CERS3: variants seen among roughly 807,000 people sequenced by gnomAD.
CERS3 encodes the protein ceramide synthase 3, also known as LAG1 homolog, ceramide synthase 3.
In CERS3, 33 loss-of-function variants were observed where a neutral mutation model predicts 50.3. That is an observed-to-expected ratio of 0.66 (90% CI 0.50 to 0.88). The LOEUF (loss-of-function observed/expected upper bound fraction) is 0.88, where lower values mean the gene tolerates loss of function less well. Among genes scored for constraint, CERS3 ranks in the 40% least tolerant of loss-of-function variants. The pLI is 0.00. For synonymous variants in CERS3, 176 were observed against 155.2 expected (o/e 1.13, Z -0.99); for missense variants, 470 against 460.3 (o/e 1.02, Z -0.19).
Position 100,473,337 on chromosome 15 carries a change from C to T in CERS3, c.610-285G>A, listed in dbSNP as rs922523937. 2.6e-4 allele frequency among the ~76,000 whole-genome samples: 40 copies of T among 152,282 alleles called. 1 individual carries two copies. The highest frequency in any genetic ancestry group is 9.4e-4 in the African/African-American group (39 of 41,558). Reference sequence around the variant, plus strand: ...AAATGCATACACACACAAGCATATTCCTGTGTACACCTACAGTTATTGTTT... The same window carrying T: ...AAATGCATACACACACAAGCATATTTCTGTGTACACCTACAGTTATTGTTT... On this transcript the variant is annotated intron_variant, in intron 8 of 11. Coordinates refer to ENST00000679737, the MANE Select transcript of CERS3 (RefSeq NM_001378789.1).
intron 11 of CERS3, among the ~76,000 whole-genome samples, chr15:100,416,477 C>T (rs2031913649): frequency 6.6e-6 from 1 of 152,272 alleles, no homozygotes; most frequent in South Asian, 2.1e-4. Context: ...CGTTTTCACA[C>T]TGCTATAACG....
intron 11 of CERS3, among the ~76,000 whole-genome samples, chr15:100,433,165 G>A (rs2033218860): frequency 6.6e-6 from 1 of 151,894 alleles, no homozygotes; most frequent in Admixed American, 6.6e-5. Flanking sequence ...GAACCCAGGA[G>A]GCTGAGGTTG....
intron 11 of CERS3, among the ~76,000 whole-genome samples, chr15:100,412,247 G>T (rs909343179): frequency 6.6e-6 from 1 of 151,992 alleles, no homozygotes; most frequent in African/African-American, 2.4e-5. Flanking sequence ...TTTGTGTATG[G>T]TGTTAGGTAA....
intron 3 of CERS3, among the ~76,000 whole-genome samples, chr15:100,498,052 C>G (rs757259361): frequency 2.0e-5 from 3 of 151,952 alleles, no homozygotes; most frequent in Non-Finnish European, 2.9e-5. Context: ...TGCCAACACA[C>G]CCAGTTAATT....
At chr15:100,492,418 C>A (rs967954940) in intron 3 of CERS3, among the ~76,000 whole-genome samples, 9 of 152,158 alleles carry the variant, frequency 5.9e-5, no homozygotes, top group Non-Finnish European at 8.8e-5. Context: ...ATTGTTATAT[C>A]ATCTGGACAG....
At chr15:100,464,433 CA>C (rs1229395929) in intron 10 of CERS3, among the ~76,000 whole-genome samples, 2 of 152,104 alleles carry the variant, frequency 1.3e-5, no homozygotes, top group Non-Finnish European at 2.9e-5. Context: ...AGCAACAAGC[CA>C]CCCTGCCCCC....
chr15:100,422,941 G>C (rs1225349661), intron 11 of CERS3, among the ~76,000 whole-genome samples: 11 of 133,416 alleles, frequency 8.2e-5, no homozygotes, highest in East Asian at 2.6e-4. Context: ...GTTGTGGGGT[G>C]GGGGGGAGGG....
At chr15:100,539,700 A>G (rs2037154254) in intron 1 of CERS3, among the ~76,000 whole-genome samples, 1 of 152,240 alleles carries the variant, frequency 6.6e-6, no homozygotes, top group South Asian at 2.1e-4. Flanking sequence ...TTATAATTTA[A>G]GATGAGATTT....
chr15:100,531,622 T>C (rs1029819989), upstream of CERS3, among the ~76,000 whole-genome samples: 45 of 152,220 alleles, frequency 3.0e-4, no homozygotes, highest in African/African-American at 1.1e-3. Context: ...TTCTTACTTG[T>C]GCCTCACCAT....
At chr15:100,451,825 C>G (rs2034182916) in intron 11 of CERS3, among the ~76,000 whole-genome samples, 1 of 151,894 alleles carries the variant, frequency 6.6e-6, no homozygotes, top group Admixed American at 6.6e-5. Context: ...GCAGAAACAC[C>G]TATACTTATA....
chr15:100,493,804 A>C (rs1432366352), intron 3 of CERS3, among the ~76,000 whole-genome samples: 1 of 152,076 alleles, frequency 6.6e-6, no homozygotes, highest in Non-Finnish European at 1.5e-5. Context: ...CAGTCATTGT[A>C]GTTTTCAACC....
At chr15:100,466,841 C>CCTCTT (rs2034754108) in intron 10 of CERS3, among the ~76,000 whole-genome samples, 1 of 8,776 alleles carries the variant, frequency 1.1e-4, no homozygotes, top group Non-Finnish European at 3.6e-4. Context: ...CCCTCTCTCC[C>CCTCTT]TCTCTCTTTC....
At position 100,466,772 on chromosome 15, in the gene CERS3, C is replaced by T. The variant is rs1396179726; in HGVS notation, c.845+2606G>A. On this transcript the variant is annotated intron_variant, in intron 10 of 11. Transcript: ENST00000679737. ...TCCTTCCTTCCTTCCTTCCTTCCTT[C>T]CTTCCTTCCTTCCTTCCTTCCTCCC... 1.3e-3 allele frequency among the ~76,000 whole-genome samples: 36 copies of T among 27,660 alleles called. 3 individuals are homozygous for T. Among genetic ancestry groups the T allele is most frequent in the African/African-American group, 2.9e-3 (35 of 12,168 alleles). 18.1% of individuals were successfully genotyped at this position (27,660 alleles called of 152,430 possible).
upstream of CERS3, among the ~76,000 whole-genome samples, chr15:100,531,844 T>C (rs2036946012): frequency 6.6e-6 from 1 of 152,228 alleles, no homozygotes; most frequent in Non-Finnish European, 1.5e-5. Context: ...AGCATGTTAA[T>C]GATTCATTGC....
At chr15:100,452,297 A>C (rs1027402070) in intron 11 of CERS3, among the ~76,000 whole-genome samples, 3 of 152,222 alleles carry the variant, frequency 2.0e-5, no homozygotes, top group Admixed American at 6.5e-5. Context: ...ACAATGGATT[A>C]GAACTATAAA....
At chr15:100,460,682 C>G (rs755400425) in intron 10 of CERS3, among the ~76,000 whole-genome samples, 2 of 152,310 alleles carry the variant, frequency 1.3e-5, no homozygotes, top group South Asian at 4.1e-4. Flanking sequence ...TTCCAAAGGC[C>G]GTGGCCAGGA....
At chr15:100,478,502 G>A (rs143876226) in intron 7 of CERS3, among the ~76,000 whole-genome samples, 40 of 152,228 alleles carry the variant, frequency 2.6e-4, no homozygotes, top group African/African-American at 7.9e-4. Flanking sequence ...AATCCCCATA[G>A]GGCTAAAGGT....
At chr15:100,423,472 C>T (rs1057245173) in intron 11 of CERS3, among the ~76,000 whole-genome samples, 2 of 152,158 alleles carry the variant, frequency 1.3e-5, no homozygotes, top group African/African-American at 2.4e-5. Context: ...TTTGGAACAA[C>T]ATGGATGCAG....
At chr15:100,441,805 C>A (rs1426420267) in intron 11 of CERS3, among the ~76,000 whole-genome samples, 1 of 123,306 alleles carries the variant, frequency 8.1e-6, no homozygotes, top group Non-Finnish European at 1.8e-5. Flanking sequence ...ATCAGTCCCC[C>A]CCAGTCTGTG....
Sources: allele counts gnomAD v4.1 joint callset (sites outside exome capture counted in the v4.1 genomes callset), GRCh38; gene constraint gnomAD v4.1.1; transcripts MANE v1.5; gene names NCBI Gene and HGNC (gene_info 2026-07-23, HGNC 2026-07-21).